Variants in STXBP5L observed in about 807,000 individuals in gnomAD.
STXBP5L encodes the protein syntaxin binding protein 5L, also known as syntaxin-binding protein 5-like.
STXBP5L carries 65 observed loss-of-function variants against 144.5 expected under a neutral mutation model. The observed-to-expected ratio is 0.45, with a 90% CI of 0.37 to 0.55. The LOEUF is 0.55. Ranked by LOEUF, STXBP5L falls within the 20% of genes least tolerant of loss-of-function variation. The pLI, the probability that STXBP5L is intolerant of heterozygous loss-of-function variation, is 0.00. For missense variants in STXBP5L, 1,298 were observed against 1,405.5 expected, an observed-to-expected ratio of 0.92 and a Z score of 1.22; for synonymous variants, 505 against 469.6, an observed-to-expected ratio of 1.08 and a Z score of -0.97.
At chr3:121,371,518 G>A (rs1019663511) in intron 20 of STXBP5L, among the ~76,000 whole-genome samples, 8 of 152,262 alleles carry the variant, frequency 5.3e-5, no homozygotes, top group Non-Finnish European at 1.2e-4. Context: ...CAGCAGCAGT[G>A]CAGCAGTGTA....
chr3:121,244,258 A>T (rs1233267128), intron 14 of STXBP5L, among the ~76,000 whole-genome samples: 1 of 152,030 alleles, frequency 6.6e-6, no homozygotes, highest in African/African-American at 2.4e-5. Context: ...GAAGTATATG[A>T]TAATTGATTT....
chr3:121,333,224 C>T (rs2044384846), intron 20 of STXBP5L, among the ~76,000 whole-genome samples: 2 of 152,020 alleles, frequency 1.3e-5, no homozygotes, highest in African/African-American at 2.4e-5. Flanking sequence ...TGGAACAGTA[C>T]CTCACATCTC....
At chr3:121,319,983 G>A (rs540153946) in intron 20 of STXBP5L, among the ~76,000 whole-genome samples, 3 of 152,128 alleles carry the variant, frequency 2.0e-5, no homozygotes, top group Non-Finnish European at 2.9e-5. Flanking sequence ...AATTTTAAAA[G>A]TTTTTTAAAG....
chr3:121,396,129 G>A (rs1297995887), intron 22 of STXBP5L, among the ~76,000 whole-genome samples: 1 of 152,254 alleles, frequency 6.6e-6, no homozygotes, highest in Non-Finnish European at 1.5e-5. Flanking sequence ...GGTTTCTGTA[G>A]ATGCTGTTCA....
intron 5 of STXBP5L, among the ~76,000 whole-genome samples, chr3:121,062,433 A>G (rs1416411935): frequency 6.6e-6 from 1 of 151,894 alleles, no homozygotes; most frequent in Non-Finnish European, 1.5e-5. Context: ...AATGTTAAAC[A>G]TTTTTTCCTT....
chr3:121,275,332 T>G (rs2050848095), intron 18 of STXBP5L, among the ~76,000 whole-genome samples: 1 of 152,182 alleles, frequency 6.6e-6, no homozygotes, highest in South Asian at 2.1e-4. Context: ...TGTAGATCAG[T>G]TTGGGGAAAA....
chr3:121,341,859 T>C (rs2044725146), intron 20 of STXBP5L, among the ~76,000 whole-genome samples: 1 of 112,470 alleles, frequency 8.9e-6, no homozygotes, highest in African/African-American at 3.2e-5. Flanking sequence ...CTGAGAAGGG[T>C]AGTGAAGGGA....
intron 3 of STXBP5L, among the ~76,000 whole-genome samples, chr3:121,027,069 A>G (rs754156920): frequency 6.6e-6 from 1 of 151,854 alleles, no homozygotes; most frequent in Non-Finnish European, 1.5e-5. Flanking sequence ...TTCAAAATGA[A>G]TGTAAGTTTT....
chr3:121,175,939 A>G (rs2046916507), intron 9 of STXBP5L, among the ~76,000 whole-genome samples: 1 of 152,064 alleles, frequency 6.6e-6, no homozygotes, highest in South Asian at 2.1e-4. Flanking sequence ...TGTAGATATA[A>G]AGGAATATTA....
Position 121,413,258 on chromosome 3 carries a change from T to C in STXBP5L, c.3049T>C (p.Tyr1017His), listed in dbSNP as rs1411775935. 1.2e-6 allele frequency: 2 copies of C among 1,609,156 alleles called. No homozygotes were observed. The highest frequency in any genetic ancestry group is 8.5e-7 in the Non-Finnish European group (1 of 1,178,550). The change falls in exon 24 of 27, where the codon TAC becomes CAC. Residue 1017 changes from tyrosine to histidine, a missense_variant. Transcript: ENST00000471454. Reference protein sequence around the residue: ...FCFTNEGQALYLVSPTEIQRL... With the variant: ...FCFTNEGQALHLVSPTEIQRL... ...TTTTACCAATGAAGGACAGGCATTA[T>C]ACCTCGTCTCTCCTACTGAAATTCA...
At chr3:121,170,122 A>T (rs1303867271) in intron 9 of STXBP5L, among the ~76,000 whole-genome samples, 4 of 152,342 alleles carry the variant, frequency 2.6e-5, no homozygotes, top group South Asian at 4.1e-4. Flanking sequence ...ATTAAGGCAG[A>T]AATAAATAAG....
chr3:121,227,295 G>C (rs2049151138), intron 11 of STXBP5L, among the ~76,000 whole-genome samples: 2 of 152,108 alleles, frequency 1.3e-5, no homozygotes, highest in South Asian at 4.1e-4. Context: ...AATTCTGTTT[G>C]GTTGGCCAGG....
At chr3:121,253,206 A>T (rs947074617) in intron 15 of STXBP5L, among the ~76,000 whole-genome samples, 7 of 152,016 alleles carry the variant, frequency 4.6e-5, no homozygotes, top group Admixed American at 1.3e-4. Context: ...TCTATTTTTT[A>T]AAAAATCTAT....
intron 12 of STXBP5L, among the ~76,000 whole-genome samples, chr3:121,237,504 T>C (rs1293835484): frequency 2.0e-5 from 3 of 152,224 alleles, no homozygotes; most frequent in African/African-American, 7.2e-5. Context: ...CTTTTGTCCA[T>C]TGTCTTGACT....
At chr3:121,280,471 T>C (rs1419535649) in intron 19 of STXBP5L, among the ~76,000 whole-genome samples, 1 of 151,954 alleles carries the variant, frequency 6.6e-6, no homozygotes, top group Admixed American at 6.6e-5. Context: ...TAAACATTTT[T>C]CATTAACATT....
intron 3 of STXBP5L, among the ~76,000 whole-genome samples, chr3:121,020,856 A>G (rs111359047): frequency 3.4e-5 from 4 of 117,570 alleles, no homozygotes; most frequent in African/African-American, 1.2e-4. Context: ...CAATGAAAAA[A>G]AAAAACCCAA....
intron 3 of STXBP5L, among the ~76,000 whole-genome samples, chr3:121,030,641 C>T (rs1010289480): frequency 3.3e-5 from 5 of 152,056 alleles, no homozygotes; most frequent in Non-Finnish European, 7.4e-5. Context: ...AACAAACCAG[C>T]ACGTTCTGCA....
chr3:120,989,718 C>A (rs1372670241), intron 3 of STXBP5L, among the ~76,000 whole-genome samples: 2 of 152,092 alleles, frequency 1.3e-5, no homozygotes, highest in Admixed American at 1.3e-4. Context: ...GTTTGGTTTG[C>A]ACTCATTTAG....
chr3:120,949,758 A>T (rs546400314), intron 2 of STXBP5L, among the ~76,000 whole-genome samples: 1 of 152,104 alleles, frequency 6.6e-6, no homozygotes, highest in Admixed American at 6.6e-5. Flanking sequence ...TGGGTTCTTT[A>T]TTCTGTTCCA....
Sources: allele counts gnomAD v4.1 joint callset (sites outside exome capture counted in the v4.1 genomes callset), GRCh38; gene constraint gnomAD v4.1.1; transcripts MANE v1.5; gene names NCBI Gene and HGNC (gene_info 2026-07-23, HGNC 2026-07-21).